PPP2R5C: variants seen among roughly 807,000 people sequenced by gnomAD.
PPP2R5C encodes serine/threonine-protein phosphatase 2A 56 kDa regulatory subunit gamma isoform.
Under a neutral mutation model 68.9 loss-of-function variants are expected in PPP2R5C, and 7 were observed. The ratio of observed to expected loss-of-function variants is 0.10; its 90% CI spans 0.06 to 0.19. PPP2R5C has a LOEUF of 0.19. PPP2R5C is among the 10% of genes least tolerant of loss of function. The probability of loss-of-function intolerance (pLI) is 1.00; values close to 1 mark genes in which losing one functional copy is unlikely to be tolerated. For synonymous variants in PPP2R5C, 210 were observed against 222.2 expected, an observed-to-expected ratio of 0.95 and a Z score of 0.49; for missense variants, 348 against 641.3, an observed-to-expected ratio of 0.54 and a Z score of 4.94.
chr14:101,837,098 TG>T (rs1478716398), intron 1 of PPP2R5C, among the ~76,000 whole-genome samples: 1 of 152,220 alleles, frequency 6.6e-6, no homozygotes, highest in Non-Finnish European at 1.5e-5. Flanking sequence ...GTTTGATGGC[TG>T]GAAAACAAAT....
chr14:101,925,301 C>G (rs747743962), exon 14 of PPP2R5C: 1 of 1,608,388 alleles, frequency 6.2e-7, no homozygotes, highest in African/African-American at 1.3e-5. Flanking sequence ...GGGGCCGGGC[C>G]CGCCAGTTCT....
At chr14:101,760,644 C>A, upstream of PPP2R5C, 3 of 856,874 alleles carry the variant, frequency 3.5e-6, no homozygotes, top group Non-Finnish European at 4.0e-6. Context: ...GCGGGAGAAA[C>A]TGCGGAGGGC....
intron 13 of PPP2R5C, 68 bp downstream of exon 15, chr14:101,918,015 G>T: frequency 6.2e-7 from 1 of 1,605,628 alleles, no homozygotes; most frequent in Non-Finnish European, 8.5e-7. Context: ...ATTTTTGTAG[G>T]CGATGTGATT....
chr14:101,874,658 G>C (rs78611568), intron 2 of PPP2R5C, among the ~76,000 whole-genome samples: 2 of 152,162 alleles, frequency 1.3e-5, no homozygotes, highest in East Asian at 3.8e-4. Context: ...TTATGAAACT[G>C]TAGAAAATTA....
chr14:101,771,079 AG>A (rs2037120887), intron 2 of PPP2R5C, among the ~76,000 whole-genome samples: 1 of 152,230 alleles, frequency 6.6e-6, no homozygotes, highest in South Asian at 2.1e-4. Flanking sequence ...CCTGCAGTGA[AG>A]GAAGTGCTGC....
At chr14:101,904,244 G>A (rs2045891160) in intron 9 of PPP2R5C, among the ~76,000 whole-genome samples, 1 of 152,070 alleles carries the variant, frequency 6.6e-6, no homozygotes, top group Non-Finnish European at 1.5e-5. Flanking sequence ...CTGCCTCCCA[G>A]GTTGAAGTGA....
intron 13 of PPP2R5C, among the ~76,000 whole-genome samples, chr14:101,924,536 G>C (rs879724711): frequency 6.7e-6 from 1 of 148,542 alleles, no homozygotes; most frequent in South Asian, 2.1e-4. Flanking sequence ...TCCACCTCAC[G>C]GGTTCAAGCG....
chr14:101,802,931 C>G (rs188890604), intron 3 of PPP2R5C, among the ~76,000 whole-genome samples: 1 of 146,508 alleles, frequency 6.8e-6, no homozygotes, highest in African/African-American at 2.5e-5. Flanking sequence ...TACTTCACAC[C>G]CACTAGGATG....
At chr14:101,904,312 G>A (rs1330759440) in intron 9 of PPP2R5C, among the ~76,000 whole-genome samples, 1 of 151,988 alleles carries the variant, frequency 6.6e-6, no homozygotes, top group Non-Finnish European at 1.5e-5. Context: ...ACCACACCTG[G>A]CTGATTTTTG....
intron 13 of PPP2R5C, among the ~76,000 whole-genome samples, chr14:101,918,218 T>C (rs552171256): frequency 2.5e-5 from 3 of 120,130 alleles, no homozygotes; most frequent in African/African-American, 1.1e-4. Flanking sequence ...CTTTAAATGT[T>C]CACTCCAGCA....
chr14:101,911,981 G>GT (rs2046417766), intron 11 of PPP2R5C, among the ~76,000 whole-genome samples: 1 of 152,028 alleles, frequency 6.6e-6, no homozygotes, highest in Admixed American at 6.6e-5. Flanking sequence ...CTCTTAAGAC[G>GT]TTTCCTTTTT....
At chr14:101,831,775 A>T in intron 1 of PPP2R5C, 1 of 702,336 alleles carries the variant, frequency 1.4e-6, no homozygotes, top group South Asian at 1.5e-5. Context: ...CTGCGGGCCG[A>T]CTGTGGGACT....
intron 2 of PPP2R5C, among the ~76,000 whole-genome samples, chr14:101,771,456 C>T (rs2037148991): frequency 6.6e-6 from 1 of 152,044 alleles, no homozygotes; most frequent in Admixed American, 6.6e-5. Flanking sequence ...AGCAGCTGGG[C>T]ACGGTGGCTC....
chr14:101,809,511 T>C (rs2039223196), upstream of PPP2R5C, among the ~76,000 whole-genome samples: 3 of 148,520 alleles, frequency 2.0e-5, no homozygotes, highest in Admixed American at 2.0e-4. Flanking sequence ...TTGGGATCCC[T>C]CACTGGGAAA....
intron 2 of PPP2R5C, among the ~76,000 whole-genome samples, chr14:101,861,381 A>G (rs556343166): frequency 6.6e-6 from 1 of 152,226 alleles, no homozygotes. Context: ...AGGGCCTGTG[A>G]TGTTAGAACT....
chr14:101,809,951 A>G (rs746821631), exon 1 of PPP2R5C: 1 of 1,613,788 alleles, frequency 6.2e-7, no homozygotes, highest in Non-Finnish European at 8.5e-7. Flanking sequence ...AGATGTTGAC[A>G]TGTAATAAAG....
chr14:101,876,214 C>T (rs955672368), intron 2 of PPP2R5C, among the ~76,000 whole-genome samples: 4 of 152,162 alleles, frequency 2.6e-5, no homozygotes, highest in African/African-American at 7.2e-5. Flanking sequence ...CAATATGACT[C>T]GTAGAACCTA....
At chr14:101,830,046 C>T (rs114387528) in intron 1 of PPP2R5C, among the ~76,000 whole-genome samples, 1,996 of 152,158 alleles carry the variant, frequency 0.013, 52 homozygotes, top group African/African-American at 0.045. Context: ...GAGATTAGGA[C>T]GTGAATGGTA....
chr14:101,787,402 T>A (rs1172513283), intron 3 of PPP2R5C, among the ~76,000 whole-genome samples: 1 of 151,428 alleles, frequency 6.6e-6, no homozygotes, highest in Non-Finnish European at 1.5e-5. Context: ...GATGGTGGAT[T>A]TATGGGTGGG....
Sources: gnomAD v4.1 joint callset for allele counts (sites outside exome capture counted in the v4.1 genomes callset) on GRCh38, gnomAD v4.1.1 for gene constraint, MANE v1.5 for transcripts, NCBI Gene and HGNC (gene_info 2026-07-23, HGNC 2026-07-21) for gene names.